Variants in DSCAM observed in about 807,000 individuals in gnomAD.
The protein encoded by DSCAM is DS cell adhesion molecule, also known as cell adhesion molecule DSCAM.
A neutral mutation model predicts 217.7 loss-of-function variants in DSCAM; 47 were observed. The observed-to-expected ratio is 0.22, with a 90% CI of 0.17 to 0.28. The LOEUF (loss-of-function observed/expected upper bound fraction) is 0.28. Among genes scored for constraint, DSCAM ranks in the 10% least tolerant of loss-of-function variants. DSCAM has a pLI of 1.00. For synonymous variants in DSCAM, 1,056 were observed against 1,015.3 expected, an observed-to-expected ratio of 1.04 and a Z score of -0.76; for missense variants, 2,080 against 2,618.3, an observed-to-expected ratio of 0.79 and a Z score of 4.49.
At chr21:40,723,827 T>C (rs2090927869) in intron 1 of DSCAM, among the ~76,000 whole-genome samples, 1 of 152,176 alleles carries the variant, frequency 6.6e-6, no homozygotes, top group Non-Finnish European at 1.5e-5. Context: ...ACTTCGAAGA[T>C]TTTAGCTACT....
intron 2 of DSCAM, among the ~76,000 whole-genome samples, chr21:40,696,983 G>A (rs1204100878): frequency 1.3e-5 from 2 of 152,032 alleles, no homozygotes; most frequent in African/African-American, 2.4e-5. Flanking sequence ...TCCCTACTGT[G>A]CCAGCAAATG....
At chr21:40,544,854 G>A (rs143076162) in intron 3 of DSCAM, among the ~76,000 whole-genome samples, 80 of 150,220 alleles carry the variant, frequency 5.3e-4, no homozygotes, top group Admixed American at 3.8e-3. Flanking sequence ...TTGAACTTGC[G>A]TCACTTTTTT....
rs1207324721 is a variant in DSCAM, at chr21:40,451,916, T to C, written c.509-82671A>G. Among the ~76,000 whole-genome samples, 6 of 152,130 alleles carry C rather than the reference T, an allele frequency of 3.9e-5. No homozygotes were observed. The East Asian group carries it at 1.2e-3, about 29-fold the overall frequency. On this transcript the variant is annotated intron_variant, in intron 3 of 32. Transcript: ENST00000400454. ...AATTGCAACCTCCAGCATAAATGGG[T>C]TTAAGGAGGTATTCCCAGTTCACTG...
intron 3 of DSCAM, among the ~76,000 whole-genome samples, chr21:40,469,361 A>T (rs1315497433): frequency 6.6e-6 from 1 of 152,170 alleles, no homozygotes; most frequent in East Asian, 1.9e-4. Context: ...GGAAATAGGA[A>T]ATCCAGCATA....
chr21:40,038,131 C>A (rs1568904784), intron 32 of DSCAM, among the ~76,000 whole-genome samples: 1 of 151,588 alleles, frequency 6.6e-6, no homozygotes, highest in South Asian at 2.1e-4. Flanking sequence ...TCTAAAACAC[C>A]AAAAGCAAAG....
intron 3 of DSCAM, among the ~76,000 whole-genome samples, chr21:40,510,357 AT>A (rs2076248790): frequency 6.6e-6 from 1 of 152,214 alleles, no homozygotes; most frequent in African/African-American, 2.4e-5. Flanking sequence ...TGGTTGTTAC[AT>A]TGTAATAAGT....
At chr21:40,070,190 AAG>A (rs940955221) in intron 27 of DSCAM, among the ~76,000 whole-genome samples, 1 of 148,982 alleles carries the variant, frequency 6.7e-6, no homozygotes, top group Admixed American at 6.7e-5. Flanking sequence ...GAGGAAGAGA[AAG>A]AGAGAGGGAG....
chr21:40,021,205 CAAA>C (rs763435750), intron 32 of DSCAM, among the ~76,000 whole-genome samples: 32 of 85,080 alleles, frequency 3.8e-4, no homozygotes, highest in African/African-American at 5.7e-4. Flanking sequence ...GACTCCGTCT[CAAA>C]AAAAAAAAAA....
intron 3 of DSCAM, among the ~76,000 whole-genome samples, chr21:40,455,797 C>T (rs7277486): frequency 0.011 from 1,683 of 151,626 alleles, 43 homozygotes; most frequent in African/African-American, 0.038. Flanking sequence ...AACAAAAAAA[C>T]GACATGGATG....
chr21:40,846,564 C>CG, intron 1 of DSCAM, 55 bp downstream of exon 1: 1 of 223,128 alleles, frequency 4.5e-6, no homozygotes, highest in Non-Finnish European at 8.8e-6. Flanking sequence ...CCCACCCCCC[C>CG]GCCCCCCCGG....
intron 3 of DSCAM, among the ~76,000 whole-genome samples, chr21:40,472,417 T>C (rs2075896627): frequency 6.6e-6 from 1 of 152,198 alleles, no homozygotes; most frequent in Non-Finnish European, 1.5e-5. Flanking sequence ...AAGAAAACTT[T>C]TAGGAAATAA....
At position 40,580,015 on chromosome 21, in the gene DSCAM, A is replaced by G. The variant is rs2076891377; in HGVS notation, c.508+112795T>C. ...CACGGATCTTCACTTCAGATCATCCACCAGAACCAATGGTGAATAACAGAT... is the reference window on the plus strand; with the variant it reads ...CACGGATCTTCACTTCAGATCATCCGCCAGAACCAATGGTGAATAACAGAT... On this transcript the variant is annotated intron_variant, in intron 3 of 32. Transcript: ENST00000400454. 2.6e-5 allele frequency among the ~76,000 whole-genome samples: 4 copies of G among 151,700 alleles called. No individual in the cohort carries two copies. In the South Asian group the frequency reaches 6.3e-4, roughly 24 times the overall value.
At chr21:40,606,367 A>G (rs2089238254) in intron 3 of DSCAM, among the ~76,000 whole-genome samples, 1 of 152,202 alleles carries the variant, frequency 6.6e-6, no homozygotes, top group Admixed American at 6.5e-5. Context: ...GCATTGCCAG[A>G]TTTATAATTC....
At chr21:40,493,000 C>A (rs534153546) in intron 3 of DSCAM, among the ~76,000 whole-genome samples, 4 of 151,856 alleles carry the variant, frequency 2.6e-5, no homozygotes, top group Non-Finnish European at 5.9e-5. Flanking sequence ...ATAAGTGAAT[C>A]AAAAATAAAG....
At chr21:40,522,824 T>C (rs536774759) in intron 3 of DSCAM, among the ~76,000 whole-genome samples, 1 of 152,242 alleles carries the variant, frequency 6.6e-6, no homozygotes, top group South Asian at 2.1e-4. Context: ...CTGCCCAGAG[T>C]TGAAAGCAGC....
chr21:40,149,669 C>T (rs1250895894), intron 16 of DSCAM, among the ~76,000 whole-genome samples: 1 of 148,620 alleles, frequency 6.7e-6, no homozygotes, highest in African/African-American at 2.5e-5. Flanking sequence ...CGCTCCATCA[C>T]TATCCCAACA....
intron 11 of DSCAM, among the ~76,000 whole-genome samples, chr21:40,203,347 C>T (rs890060724): frequency 6.6e-6 from 1 of 152,224 alleles, no homozygotes; most frequent in Admixed American, 6.5e-5. Flanking sequence ...AGTTATTATA[C>T]AGCCCTGAAC....
chr21:40,351,491 G>C (rs1228566269), intron 5 of DSCAM, among the ~76,000 whole-genome samples: 1 of 152,190 alleles, frequency 6.6e-6, no homozygotes, highest in Non-Finnish European at 1.5e-5. Flanking sequence ...TACAGATTCA[G>C]AGCTTATTTT....
chr21:40,474,441 T>C (rs1489574419), intron 3 of DSCAM, among the ~76,000 whole-genome samples: 1 of 152,226 alleles, frequency 6.6e-6, no homozygotes, highest in African/African-American at 2.4e-5. Context: ...TTTTTCTTTC[T>C]TTCTTTTATT....
Sources: allele counts gnomAD v4.1 joint callset (sites outside exome capture counted in the v4.1 genomes callset), GRCh38; gene constraint gnomAD v4.1.1; transcripts MANE v1.5; gene names NCBI Gene and HGNC (gene_info 2026-07-23, HGNC 2026-07-21).